PCDH15: variants seen among roughly 807,000 people sequenced by gnomAD.
PCDH15 encodes the protein protocadherin-15.
Under a neutral mutation model 178.5 loss-of-function variants are expected in PCDH15, and 129 were observed. The observed-to-expected ratio is 0.72, with a 90% CI of 0.63 to 0.84. The LOEUF is 0.84. PCDH15 is among the 40% of genes least tolerant of loss of function. PCDH15 has a pLI of 0.00. For synonymous variants in PCDH15, 800 were observed against 732.0 expected (o/e 1.09, Z -1.50); for missense variants, 2,230 against 2,099.9 (o/e 1.06, Z -1.21).
At chr10:54,633,449 A>G (rs1261472800) in intron 2 of PCDH15, among the ~76,000 whole-genome samples, 3 of 152,042 alleles carry the variant, frequency 2.0e-5, no homozygotes, top group African/African-American at 7.2e-5. Flanking sequence ...AGAATAAGAA[A>G]CACTAGTGTC....
intron 3 of PCDH15, among the ~76,000 whole-genome samples, chr10:54,495,762 A>G (rs948194537): frequency 6.6e-6 from 1 of 152,122 alleles, no homozygotes; most frequent in Non-Finnish European, 1.5e-5. Flanking sequence ...TCTGTGTCCA[A>G]AACTTTAGTT....
At chr10:54,265,409 C>G (rs1405663856) in intron 8 of PCDH15, among the ~76,000 whole-genome samples, 1 of 151,762 alleles carries the variant, frequency 6.6e-6, no homozygotes, top group Non-Finnish European at 1.5e-5. Flanking sequence ...GGAACAAAAT[C>G]TCACATATAA....
intron 1 of PCDH15, among the ~76,000 whole-genome samples, chr10:55,225,929 A>G (rs1001119476): frequency 6.6e-6 from 1 of 152,044 alleles, no homozygotes; most frequent in East Asian, 1.9e-4. Context: ...GAGATACTCT[A>G]TTTATTGATT....
chr10:54,204,912 T>C (rs1013386057), intron 10 of PCDH15, among the ~76,000 whole-genome samples: 6 of 152,186 alleles, frequency 3.9e-5, no homozygotes, highest in African/African-American at 1.4e-4. Flanking sequence ...TGCCTTAAAA[T>C]AATCTAAGGT....
chr10:54,551,859 T>C (rs11819247), intron 2 of PCDH15, among the ~76,000 whole-genome samples: 7,784 of 152,104 alleles, frequency 0.051, 682 homozygotes, highest in African/African-American at 0.18. Flanking sequence ...AGCTCACCTA[T>C]AGCCCACAAA....
intron 15 of PCDH15, among the ~76,000 whole-genome samples, chr10:54,118,904 T>C (rs1452164369): frequency 6.6e-6 from 1 of 151,958 alleles, no homozygotes; most frequent in Non-Finnish European, 1.5e-5. Context: ...AATGGAATTA[T>C]GAAGAATACC....
At chr10:55,602,321 A>G (rs1342441913) in intron 2 of PCDH15, among the ~76,000 whole-genome samples, 4 of 138,506 alleles carry the variant, frequency 2.9e-5, no homozygotes, top group African/African-American at 5.0e-5. Flanking sequence ...AGGGGCGCCC[A>G]CAATTGCCCA....
At chr10:55,382,664 T>C (rs1165344386) in intron 2 of PCDH15, among the ~76,000 whole-genome samples, 2 of 152,168 alleles carry the variant, frequency 1.3e-5, no homozygotes, top group Admixed American at 6.5e-5. Context: ...TTCAGGAAAT[T>C]TGTAGAAAAC....
At chr10:55,328,464 G>A (rs1844094849) in intron 2 of PCDH15, among the ~76,000 whole-genome samples, 1 of 151,606 alleles carries the variant, frequency 6.6e-6, no homozygotes, top group Non-Finnish European at 1.5e-5. Context: ...AATGGTATTT[G>A]TTTATCTAAA....
intron 2 of PCDH15, among the ~76,000 whole-genome samples, chr10:54,941,772 G>C (rs1838069924): frequency 6.6e-6 from 1 of 151,974 alleles, no homozygotes; most frequent in Non-Finnish European, 1.5e-5. Flanking sequence ...CTTGTTTATA[G>C]TTTTTACTAA....
At chr10:55,020,482 TAGG>T (rs1172844518) in intron 2 of PCDH15, among the ~76,000 whole-genome samples, 1 of 151,788 alleles carries the variant, frequency 6.6e-6, no homozygotes, top group Non-Finnish European at 1.5e-5. Flanking sequence ...TATGTTGTAA[TAGG>T]AGAGAAAGAC....
At chr10:55,087,651 G>A (rs1842207351) in intron 2 of PCDH15, among the ~76,000 whole-genome samples, 1 of 152,140 alleles carries the variant, frequency 6.6e-6, no homozygotes, top group South Asian at 2.1e-4. Context: ...TGGTAAACAG[G>A]TATTGTGGAG....
At position 54,690,551 on chromosome 10, in the gene PCDH15, G is replaced by A. The variant is rs543976345; in HGVS notation, c.-28-26261C>T. On this transcript the variant is annotated intron_variant, in intron 1 of 37. Transcript: ENST00000644397. ...GCTTGTCTCGATCTCCTGACCTTGT[G>A]ATCCACCCACCTCAACTTCCCAAAG... 2.6e-5 allele frequency among the ~76,000 whole-genome samples: 4 copies of A among 151,924 alleles called. No individual in the cohort carries two copies. In the South Asian group the frequency reaches 8.3e-4, roughly 32 times the overall value.
chr10:54,962,221 G>T (rs1162805767), intron 2 of PCDH15, among the ~76,000 whole-genome samples: 5 of 152,182 alleles, frequency 3.3e-5, no homozygotes, highest in African/African-American at 1.2e-4. Flanking sequence ...GTTTCTGGGA[G>T]CCCAGACCTT....
At chr10:55,352,591 T>C (rs1218375896) in intron 2 of PCDH15, among the ~76,000 whole-genome samples, 1 of 152,102 alleles carries the variant, frequency 6.6e-6, no homozygotes, top group Non-Finnish European at 1.5e-5. Context: ...GTTCAGAATT[T>C]GAAGCAAATA....
chr10:54,608,084 G>A (rs2092824710), intron 2 of PCDH15: 3 of 407,108 alleles, frequency 7.4e-6, no homozygotes, highest in Non-Finnish European at 9.4e-6. Context: ...TACAGTAAAA[G>A]TGATAGAGCC....
intron 20 of PCDH15, among the ~76,000 whole-genome samples, chr10:53,998,069 G>A: frequency 6.6e-6 from 1 of 152,104 alleles, no homozygotes; most frequent in East Asian, 1.9e-4. Context: ...ATCGGCTTCT[G>A]TGCAAATGTT....
rs191259684 is a variant in PCDH15 at position 54,865,169 on chromosome 10, A to C, written c.-29+32281T>G. Among the ~76,000 whole-genome samples the C allele has an allele frequency of 1.1e-3, 174 of 152,322 alleles. 1 individual carries two copies. Among genetic ancestry groups the C allele is most frequent in the Non-Finnish European group, 7.5e-4 (51 of 68,034 alleles). The stretch of plus-strand genomic sequence containing the variant: ...ACTTGAGTCAGTAAAGTGGGAGAGG[A>C]AGACCTAGCCTCACTCTGGGTAGGC... On this transcript the variant is annotated intron_variant, in intron 3 of 5. Coordinates refer to the PCDH15 transcript ENST00000458638.
At chr10:55,098,299 C>T (rs1283323884) in intron 2 of PCDH15, among the ~76,000 whole-genome samples, 1 of 151,976 alleles carries the variant, frequency 6.6e-6, no homozygotes, top group Non-Finnish European at 1.5e-5. Flanking sequence ...AATGGAAGAA[C>T]CAGAATCAAC....
Sources: allele counts gnomAD v4.1 joint callset (sites outside exome capture counted in the v4.1 genomes callset), GRCh38; gene constraint gnomAD v4.1.1; transcripts MANE v1.5; gene names NCBI Gene and HGNC (gene_info 2026-07-23, HGNC 2026-07-21).